Variants in NUSAP1 observed in about 807,000 individuals in gnomAD.
The protein encoded by NUSAP1 is nucleolar and spindle-associated protein 1.
NUSAP1 carries 32 observed loss-of-function variants against 52.8 expected under a neutral mutation model. That is an observed-to-expected ratio of 0.61 (90% CI 0.46 to 0.81). The LOEUF (loss-of-function observed/expected upper bound fraction) is 0.81. Among genes scored for constraint, NUSAP1 ranks in the 40% least tolerant of loss-of-function variants. The probability of loss-of-function intolerance (pLI) is 0.00; values close to 1 mark genes in which losing one functional copy is unlikely to be tolerated. For synonymous variants in NUSAP1, 195 were observed against 183.1 expected (o/e 1.06, Z -0.52); for missense variants, 499 against 522.3 (o/e 0.96, Z 0.43).
Position 41,349,156 on chromosome 15 carries a change from A to G in NUSAP1, c.221A>G (p.Gln74Arg), listed in dbSNP as rs1157270536. The part of the protein sequence containing the change: ...CDETEIQISN[Q>R]EEAERQPLGH... ...GAGACTGAGATACAGATCAGCAACC[A>G]GGAAGAAGCTGAGAGACAGCCACTT... Residue 74 changes from glutamine to arginine, a missense_variant, in exon 3 of 11, where the codon CAG becomes CGG. Physicochemically the swap from Gln to Arg is conservative, Grantham distance 43. Transcript: ENST00000559596. The G allele has an allele frequency of 2.5e-6, 4 of 1,613,790 alleles. No homozygotes were observed. Among genetic ancestry groups the G allele is most frequent in the Non-Finnish European group, 3.4e-6 (4 of 1,179,768 alleles).
chr15:41,358,469 G>T (rs1385278246), intron 6 of NUSAP1, among the ~76,000 whole-genome samples: 2 of 152,178 alleles, frequency 1.3e-5, no homozygotes, highest in Non-Finnish European at 2.9e-5. Flanking sequence ...AAGCGCAGTG[G>T]CTCATGCCTG....
intron 6 of NUSAP1, among the ~76,000 whole-genome samples, chr15:41,361,013 G>C (rs1014918028): frequency 1.3e-5 from 2 of 151,954 alleles, no homozygotes; most frequent in African/African-American, 4.8e-5. Context: ...AGAATCGCTT[G>C]AACCCAGGAG....
In NUSAP1 at chr15:41,333,062, G is replaced by C; in HGVS notation, c.93+12G>C. ...GGGCCAACCTGAGGGTACGGCGCTGGCGGTGCGGGTCCCTGGGCGGGCGCG... is the reference window on the plus strand; with the variant it reads ...GGGCCAACCTGAGGGTACGGCGCTGCCGGTGCGGGTCCCTGGGCGGGCGCG... On this transcript the variant is annotated intron_variant, in intron 1 of 10. Transcript: ENST00000559596. The C allele has an allele frequency of 1.2e-6, 2 of 1,602,302 alleles. No homozygotes were observed. The highest frequency in any genetic ancestry group is 1.7e-6 in the Non-Finnish European group (2 of 1,173,644).
intron 8 of NUSAP1, among the ~76,000 whole-genome samples, chr15:41,373,166 A>G (rs1300599901): frequency 3.3e-5 from 5 of 151,558 alleles, no homozygotes; most frequent in Non-Finnish European, 7.4e-5. Flanking sequence ...AAACTACACC[A>G]TCCTTAGGCT....
chr15:41,350,001 T>C (rs998952111), intron 3 of NUSAP1, among the ~76,000 whole-genome samples: 2 of 152,042 alleles, frequency 1.3e-5, no homozygotes, highest in Admixed American at 1.3e-4. Context: ...TCCTGACCTC[T>C]GGTGCTCTAC....
At chr15:41,362,241 A>G (rs534033105) in intron 6 of NUSAP1, among the ~76,000 whole-genome samples, 1 of 151,738 alleles carries the variant, frequency 6.6e-6, no homozygotes, top group African/African-American at 2.4e-5. Context: ...TAATTTATCT[A>G]TTTATTTATA....
chr15:41,356,768 T>C (rs1388779238), intron 5 of NUSAP1, among the ~76,000 whole-genome samples: 3 of 152,190 alleles, frequency 2.0e-5, no homozygotes, highest in African/African-American at 7.2e-5. Flanking sequence ...AACTGATGAA[T>C]CAATGTATGA....
intron 3 of NUSAP1, among the ~76,000 whole-genome samples, chr15:41,349,689 G>T (rs1187740852): frequency 6.6e-6 from 1 of 151,480 alleles, no homozygotes; most frequent in African/African-American, 2.4e-5. Context: ...CGTAGACTCT[G>T]GTTTTATTCT....
chr15:41,336,324 T>G (rs921515453), intron 1 of NUSAP1, among the ~76,000 whole-genome samples: 3 of 151,224 alleles, frequency 2.0e-5, no homozygotes, highest in African/African-American at 7.3e-5. Flanking sequence ...ATTCCCTCTT[T>G]TGAGAGACTT....
At chr15:41,371,789 A>G (rs1383049602) in intron 8 of NUSAP1, 105 bp downstream of exon 8, 2 of 1,351,184 alleles carry the variant, frequency 1.5e-6, no homozygotes, top group Admixed American at 5.7e-5. Context: ...TTTTTTTCTG[A>G]GATGGAGTTT....
intron 8 of NUSAP1, among the ~76,000 whole-genome samples, chr15:41,373,177 G>A (rs2049775899): frequency 6.6e-6 from 1 of 151,326 alleles, no homozygotes; most frequent in South Asian, 2.1e-4. Flanking sequence ...TCCTTAGGCT[G>A]GGCATGGTGG....
chr15:41,338,965 C>CA lies in NUSAP1; in HGVS notation c.94-3410dup, dbSNP rs56669444. On this transcript the variant is annotated intron_variant, in intron 1 of 10. Coordinates refer to ENST00000559596, the MANE Select transcript of NUSAP1 (RefSeq NM_016359.5). ...GGGCGACAGAGCGAGACTCTGTCTCCAAAAAAAAAAATAAACTTAGAACGT... is the reference window on the plus strand; with the variant it reads ...GGGCGACAGAGCGAGACTCTGTCTCCAAAAAAAAAAAATAAACTTAGAACGT... 4.0e-3 allele frequency among the ~76,000 whole-genome samples: 564 copies of CA among 140,988 alleles called. 3 individuals carry two copies. The highest frequency in any genetic ancestry group is 0.012 in the African/African-American group (461 of 38,740). 92.5% of individuals were successfully genotyped at this position (140,988 alleles called of 152,430 possible).
At chr15:41,360,894 G>A (rs753409875) in intron 6 of NUSAP1, among the ~76,000 whole-genome samples, 6 of 149,934 alleles carry the variant, frequency 4.0e-5, no homozygotes, top group Admixed American at 1.4e-4. Flanking sequence ...TCCCGGGTTC[G>A]ACAGATCTTG....
chr15:41,338,572 T>TGGGCTTCCTGCCTCAGTCTCCCTAC (rs2048258219), intron 1 of NUSAP1, among the ~76,000 whole-genome samples: 1 of 151,982 alleles, frequency 6.6e-6, no homozygotes, highest in African/African-American at 2.4e-5. Context: ...AGTCTCCCTA[T>TGGGCTTCCTGCCTCAGTCTCCCTAC]TGGGCTTCCT....
chr15:41,334,955 G>A (rs1595515204), intron 1 of NUSAP1, among the ~76,000 whole-genome samples: 2 of 152,182 alleles, frequency 1.3e-5, no homozygotes, highest in East Asian at 1.9e-4. Context: ...ACTAGATGAA[G>A]TAAGAACAGA....
intron 6 of NUSAP1, among the ~76,000 whole-genome samples, chr15:41,363,661 C>T (rs922950140): frequency 6.6e-6 from 1 of 152,032 alleles, no homozygotes; most frequent in African/African-American, 2.4e-5. Context: ...GCATGGGCCA[C>T]CAGATTATGT....
chr15:41,356,266 T>C, intron 5 of NUSAP1, 126 bp downstream of exon 5: 7 of 681,600 alleles, frequency 1.0e-5, no homozygotes, highest in Non-Finnish European at 1.5e-5. Flanking sequence ...TCTTTTAGGT[T>C]TGATATCTTG....
At chr15:41,363,478 G>C (rs1011342762) in intron 6 of NUSAP1, among the ~76,000 whole-genome samples, 1 of 151,924 alleles carries the variant, frequency 6.6e-6, no homozygotes, top group African/African-American at 2.4e-5. Context: ...GGGCTCAGGT[G>C]ATCCTCACAC....
chr15:41,356,538 A>G (rs1164786744), intron 5 of NUSAP1, among the ~76,000 whole-genome samples: 1 of 151,626 alleles, frequency 6.6e-6, no homozygotes, highest in Admixed American at 6.6e-5. Flanking sequence ...TATTTTCAGA[A>G]CAGATGGGGT....
Sources: allele counts gnomAD v4.1 joint callset (sites outside exome capture counted in the v4.1 genomes callset), GRCh38; gene constraint gnomAD v4.1.1; transcripts MANE v1.5; gene names NCBI Gene and HGNC (gene_info 2026-07-23, HGNC 2026-07-21).